Variants in ATF6 observed in about 807,000 individuals in gnomAD.
ATF6 encodes the protein activating transcription factor 6, also known as cyclic AMP-dependent transcription factor ATF-6 alpha.
In ATF6, 53 loss-of-function variants were observed where a neutral mutation model predicts 83.6. The observed-to-expected ratio is 0.63, with a 90% CI of 0.51 to 0.80. The LOEUF (loss-of-function observed/expected upper bound fraction) is 0.80, where lower values mean the gene tolerates loss of function less well. Among genes scored for constraint, ATF6 ranks in the 30% least tolerant of loss-of-function variants. ATF6 has a pLI of 0.00. For synonymous variants in ATF6, 288 were observed against 285.8 expected (o/e 1.01, Z -0.08); for missense variants, 744 against 797.9 (o/e 0.93, Z 0.81).
At chr1:161,927,273 A>G (rs970366717) in intron 15 of ATF6, among the ~76,000 whole-genome samples, 1 of 152,196 alleles carries the variant, frequency 6.6e-6, no homozygotes, top group Non-Finnish European at 1.5e-5. Context: ...GTAGGCAAGC[A>G]TTTTATTTAA....
intron 10 of ATF6, among the ~76,000 whole-genome samples, chr1:161,851,355 A>G (rs1686624210): frequency 6.6e-6 from 1 of 152,116 alleles, no homozygotes; most frequent in African/African-American, 2.4e-5. Context: ...CTGGTCACAT[A>G]ATACCACTTG....
At chr1:161,917,888 C>T (rs976769350) in intron 15 of ATF6, among the ~76,000 whole-genome samples, 1 of 152,122 alleles carries the variant, frequency 6.6e-6, no homozygotes, top group Non-Finnish European at 1.5e-5. Flanking sequence ...GGATACTCAA[C>T]TTTTATTCTC....
Position 161,882,951 on chromosome 1 carries a change from TAGAA to T in ATF6, c.1719+19644_1719+19647del, listed in dbSNP as rs1381482739. Among the ~76,000 whole-genome samples, 10 of 152,098 alleles carry T rather than the reference TAGAA, an allele frequency of 6.6e-5. No individual in the cohort carries two copies. In the East Asian group the frequency reaches 1.9e-3, roughly 29 times the overall value. ...TTGACCTTGGAAGCATATGGGTACA[TAGAA>T]AGAACCCATAAAAGGATATGACAAG... On this transcript the variant is annotated intron_variant, in intron 14 of 15. Transcript: ENST00000367942.
At chr1:161,774,406 TACACACACAC>T (rs60069049) in intron 1 of ATF6, among the ~76,000 whole-genome samples, 1 of 148,424 alleles carries the variant, frequency 6.7e-6, no homozygotes, top group Non-Finnish European at 1.5e-5. Flanking sequence ...TATGGATATG[TACACACACAC>T]ACACACACAC....
At position 161,958,470 on chromosome 1, in the gene ATF6, A is replaced by G; in HGVS notation, c.1829A>G (p.Tyr610Cys). 1.2e-6 allele frequency: 2 copies of G among 1,610,854 alleles called. No homozygotes were observed. The highest frequency in any genetic ancestry group is 1.7e-6 in the Non-Finnish European group (2 of 1,178,158). The change falls in exon 16 of 16, where the codon TAC (tyrosine) becomes TGC (cysteine). Residue 610 changes from tyrosine (Y) to cysteine (C), a missense_variant. Transcript: ENST00000367942. ...GAGAATGTGATCAATGGGCAGGACT[A>G]CGAAGTGATGATGCAGATTGACTGT... Reference protein sequence around the residue: ...INENVINGQDYEVMMQIDCQV... With the variant: ...INENVINGQDCEVMMQIDCQV...
rs111902797 is a variant in ATF6, at chr1:161,800,124, G to A, written c.689-1928G>A. Reference sequence around the variant, plus strand: ...CAAGTAAAATTTTTAATAGATTAGTGTTATGAGTTGTATAAGTCTTTAGGT... The same window carrying A: ...CAAGTAAAATTTTTAATAGATTAGTATTATGAGTTGTATAAGTCTTTAGGT... On this transcript the variant is annotated intron_variant, in intron 6 of 15. Coordinates refer to ENST00000367942, the MANE Select transcript of ATF6 (RefSeq NM_007348.4). Among the ~76,000 whole-genome samples, 426 of 152,228 alleles carry A rather than the reference G, an allele frequency of 2.8e-3. 3 individuals carry two copies. Among genetic ancestry groups the A allele is most frequent in the African/African-American group, 9.6e-3 (398 of 41,522 alleles).
intron 15 of ATF6, among the ~76,000 whole-genome samples, chr1:161,922,337 C>T (rs1451703737): frequency 2.0e-5 from 3 of 152,194 alleles, no homozygotes; most frequent in Admixed American, 2.0e-4. Flanking sequence ...GTTCTACTAA[C>T]AGTTCCTTGA....
At chr1:161,850,710 G>A (rs1686598793) in intron 10 of ATF6, among the ~76,000 whole-genome samples, 1 of 152,148 alleles carries the variant, frequency 6.6e-6, no homozygotes, top group Non-Finnish European at 1.5e-5. Flanking sequence ...AATGAAAAGT[G>A]TGAGTCTCAC....
Position 161,958,587 on chromosome 1 carries a change from T to C in ATF6, c.1946T>C (p.Phe649Ser), listed in dbSNP as rs201204499. Residue 649 changes from phenylalanine (F) to serine (S), a missense_variant, in exon 16 of 16, where the codon TTT (phenylalanine) becomes TCT (serine). By Grantham distance (155) the Phe-to-Ser change is radical. Transcript: ENST00000367942. ...DQQRNQTNTF[F>S]GSPPAATEAT... ...CAGAGGAATCAAACCAACACCTTCT[T>C]TGGCTCCCCTCCCGCAGCCACAGAG... 1 of 1,613,868 alleles carries C rather than the reference T, an allele frequency of 6.2e-7. No individual in the cohort carries two copies. Among genetic ancestry groups the C allele is most frequent in the Non-Finnish European group, 8.5e-7 (1 of 1,179,936 alleles).
At chr1:161,943,491 C>A (rs1007660574) in intron 15 of ATF6, among the ~76,000 whole-genome samples, 1 of 152,190 alleles carries the variant, frequency 6.6e-6, no homozygotes, top group African/African-American at 2.4e-5. Context: ...CGGACTAATA[C>A]AACCTGTAAG....
chr1:161,856,289 T>C (rs1225116378), intron 12 of ATF6, among the ~76,000 whole-genome samples: 5 of 152,210 alleles, frequency 3.3e-5, no homozygotes, highest in Admixed American at 1.3e-4. Context: ...CTCCAACTTT[T>C]TTCACCTACT....
intron 14 of ATF6, among the ~76,000 whole-genome samples, chr1:161,899,881 G>T (rs772107564): frequency 6.6e-6 from 1 of 152,006 alleles, no homozygotes; most frequent in South Asian, 2.1e-4. Context: ...ATCACAGCAG[G>T]TTCTCAAAAA....
chr1:161,917,898 CTTTA>C (rs1373581581), intron 15 of ATF6, among the ~76,000 whole-genome samples: 3 of 152,130 alleles, frequency 2.0e-5, no homozygotes, highest in African/African-American at 4.8e-5. Context: ...CTTTTATTCT[CTTTA>C]TTTTTTATAG....
At chr1:161,853,123 G>C in intron 11 of ATF6, 101 bp from the exon 12 acceptor site, 1 of 828,940 alleles carries the variant, frequency 1.2e-6, no homozygotes, top group Non-Finnish European at 1.9e-6. Flanking sequence ...ATGCTCTTTG[G>C]AACCTACAAA....
intron 6 of ATF6, among the ~76,000 whole-genome samples, chr1:161,797,396 C>T (rs543947677): frequency 2.0e-5 from 3 of 152,162 alleles, no homozygotes; most frequent in South Asian, 2.1e-4. Flanking sequence ...TCTTCACAGA[C>T]GATATGATTC....
intron 7 of ATF6, among the ~76,000 whole-genome samples, chr1:161,802,854 C>G (rs190348330): frequency 2.0e-5 from 3 of 152,290 alleles, no homozygotes; most frequent in Non-Finnish European, 2.9e-5. Context: ...TTATAAATCA[C>G]ATAGTTTCCT....
intron 9 of ATF6, among the ~76,000 whole-genome samples, chr1:161,829,648 A>G (rs1407127875): frequency 5.9e-5 from 9 of 152,162 alleles, no homozygotes; most frequent in Non-Finnish European, 8.8e-5. Flanking sequence ...GGCTGGTTCA[A>G]CATACACAAA....
At chr1:161,838,634 T>C (rs1686279766) in intron 9 of ATF6, among the ~76,000 whole-genome samples, 1 of 152,216 alleles carries the variant, frequency 6.6e-6, no homozygotes, top group African/African-American at 2.4e-5. Context: ...CCTCACAGTT[T>C]AGTGTCTGGG....
intron 15 of ATF6, among the ~76,000 whole-genome samples, chr1:161,932,734 GTTC>G (rs1174290262): frequency 6.6e-6 from 1 of 152,188 alleles, no homozygotes; most frequent in Non-Finnish European, 1.5e-5. Flanking sequence ...TAGCAATGTG[GTTC>G]TGCTCTAGGT....
Sources: allele counts gnomAD v4.1 joint callset (sites outside exome capture counted in the v4.1 genomes callset), GRCh38; gene constraint gnomAD v4.1.1; transcripts MANE v1.5; gene names NCBI Gene and HGNC (gene_info 2026-07-23, HGNC 2026-07-21).